The following RCOR1 variants were observed in gnomAD, a reference collection of about 807,000 sequenced individuals.
RCOR1 encodes the protein REST corepressor.
Under a neutral mutation model 64.0 loss-of-function variants are expected in RCOR1, and 12 were observed. The observed-to-expected ratio is 0.19, with a 90% confidence interval of 0.12 to 0.30. The LOEUF (loss-of-function observed/expected upper bound fraction) is 0.30. Ranked by LOEUF, RCOR1 falls within the 10% of genes least tolerant of loss-of-function variation. The pLI is 1.00. For synonymous variants in RCOR1, 279 were observed against 227.2 expected (o/e 1.23, Z -2.05); for missense variants, 502 against 621.2 (o/e 0.81, Z 2.04).
intron 2 of RCOR1, among the ~76,000 whole-genome samples, chr14:102,667,470 C>T (rs1442124736): frequency 1.3e-5 from 2 of 151,936 alleles, no homozygotes; most frequent in Non-Finnish European, 2.9e-5. Context: ...CACTGTGCTC[C>T]AGCCTTGGCA....
At chr14:102,700,553 G>A (rs1374883619) in intron 3 of RCOR1, among the ~76,000 whole-genome samples, 1 of 152,156 alleles carries the variant, frequency 6.6e-6, no homozygotes, top group Non-Finnish European at 1.5e-5. Context: ...ATTATTTGTA[G>A]AGACAGGATT....
chr14:102,597,714 G>A (rs1216134247), intron 2 of RCOR1, among the ~76,000 whole-genome samples: 1 of 131,404 alleles, frequency 7.6e-6, no homozygotes. Flanking sequence ...AGCTCACACA[G>A]CCTCTGCCTC....
intron 2 of RCOR1, among the ~76,000 whole-genome samples, chr14:102,610,486 C>A (rs1263485970): frequency 6.6e-6 from 1 of 152,068 alleles, no homozygotes; most frequent in African/African-American, 2.4e-5. Flanking sequence ...TTTTTATCCT[C>A]CCAGCAAGTT....
chr14:102,707,634 T>A, intron 5 of RCOR1, 122 bp downstream of exon 5: 1 of 877,856 alleles, frequency 1.1e-6, no homozygotes. Context: ...AAAGTTCCCC[T>A]TTAGATTCAG....
intron 2 of RCOR1, among the ~76,000 whole-genome samples, chr14:102,673,700 C>T (rs1365817876): frequency 1.3e-5 from 2 of 151,986 alleles, no homozygotes; most frequent in African/African-American, 4.8e-5. Flanking sequence ...ACCGCAACCT[C>T]CGCCTCCCGG....
At chr14:102,625,323 C>T (rs1893958158) in intron 2 of RCOR1, among the ~76,000 whole-genome samples, 1 of 149,836 alleles carries the variant, frequency 6.7e-6, no homozygotes, top group Admixed American at 6.7e-5. Context: ...GCAACCTCCA[C>T]CTCCTGGATT....
At chr14:102,622,991 C>T (rs1893905678) in intron 2 of RCOR1, among the ~76,000 whole-genome samples, 1 of 152,066 alleles carries the variant, frequency 6.6e-6, no homozygotes, top group South Asian at 2.1e-4. Context: ...ATAGCTATGC[C>T]AGTTTTCTTT....
intron 2 of RCOR1, among the ~76,000 whole-genome samples, chr14:102,618,591 G>T (rs1407054021): frequency 6.6e-6 from 1 of 152,186 alleles, no homozygotes; most frequent in Admixed American, 6.5e-5. Context: ...TCCAGCCTGG[G>T]CAAGAAAGTC....
At chr14:102,609,645 C>T (rs996507200) in intron 2 of RCOR1, among the ~76,000 whole-genome samples, 3 of 150,988 alleles carry the variant, frequency 2.0e-5, no homozygotes, top group Non-Finnish European at 3.0e-5. Context: ...AGGGTTTCAC[C>T]GTGTTGGCCA....
At chr14:102,699,104 G>A (rs116390946) in intron 3 of RCOR1, among the ~76,000 whole-genome samples, 1 of 152,214 alleles carries the variant, frequency 6.6e-6, no homozygotes, top group African/African-American at 2.4e-5. Flanking sequence ...CCAGGATGAT[G>A]TTGATCTCTT....
intron 2 of RCOR1, among the ~76,000 whole-genome samples, chr14:102,611,736 A>G (rs4906239): frequency 0.63 from 95,194 of 152,044 alleles, 30,899 homozygotes; most frequent in South Asian, 0.72. Context: ...GTGATAGCCC[A>G]TGGACTATGT....
intron 2 of RCOR1, chr14:102,655,518 A>G (rs1894704840): frequency 1.0e-6 from 1 of 970,410 alleles, no homozygotes; most frequent in South Asian, 4.8e-5. Flanking sequence ...TGCTTTAGGT[A>G]TCTATTAATA....
intron 2 of RCOR1, among the ~76,000 whole-genome samples, chr14:102,661,004 G>C (rs1894814943): frequency 6.6e-6 from 1 of 152,152 alleles, no homozygotes; most frequent in East Asian, 1.9e-4. Context: ...GAGAGAATGT[G>C]GGGGTAGAAG....
intron 3 of RCOR1, among the ~76,000 whole-genome samples, chr14:102,693,833 A>G (rs1020907626): frequency 2.0e-5 from 3 of 151,796 alleles, no homozygotes; most frequent in Non-Finnish European, 4.4e-5. Flanking sequence ...TTTATCTTTT[A>G]TCCATCACCT....
At chr14:102,609,274 C>T (rs906011287) in intron 2 of RCOR1, among the ~76,000 whole-genome samples, 5 of 151,926 alleles carry the variant, frequency 3.3e-5, no homozygotes, top group African/African-American at 1.2e-4. Flanking sequence ...AACTCCCGAC[C>T]TCAGGTGATC....
chr14:102,609,296 G>A (rs1207153828), intron 2 of RCOR1, among the ~76,000 whole-genome samples: 4 of 152,020 alleles, frequency 2.6e-5, no homozygotes, highest in African/African-American at 9.7e-5. Flanking sequence ...GCCTGCCTCG[G>A]CCTCTCAAAG....
At chr14:102,655,520 C>T in intron 2 of RCOR1, 1 of 970,012 alleles carries the variant, frequency 1.0e-6, no homozygotes, top group Non-Finnish European at 1.2e-6. Flanking sequence ...CTTTAGGTAT[C>T]TATTAATAGT....
chr14:102,690,434 C>CA (rs1225405095), intron 3 of RCOR1, among the ~76,000 whole-genome samples: 3 of 151,830 alleles, frequency 2.0e-5, no homozygotes, highest in Non-Finnish European at 2.9e-5. Flanking sequence ...TCCATCTCTA[C>CA]AAAAAAATTA....
chr14:102,650,324 C>T (rs1054397321), intron 2 of RCOR1, among the ~76,000 whole-genome samples: 1 of 141,502 alleles, frequency 7.1e-6, no homozygotes, highest in African/African-American at 2.7e-5. Context: ...GCAGTGAGTG[C>T]CACTGCACTT....
Sources: allele counts gnomAD v4.1 joint callset (sites outside exome capture counted in the v4.1 genomes callset), GRCh38; gene constraint gnomAD v4.1.1; transcripts MANE v1.5; gene names NCBI Gene and HGNC (gene_info 2026-07-23, HGNC 2026-07-21).